Variants in CBFB observed in about 807,000 individuals in gnomAD.
CBFB encodes the protein core-binding factor subunit beta, also known as CBF-beta.
CBFB carries 9 observed loss-of-function variants against 30.4 expected under a neutral mutation model. That is an observed-to-expected ratio of 0.30 (90% CI 0.18 to 0.52). CBFB has a LOEUF of 0.52. CBFB is among the 20% of genes least tolerant of loss of function. The probability of loss-of-function intolerance (pLI) is 0.97; values close to 1 mark genes in which losing one functional copy is unlikely to be tolerated. For missense variants in CBFB, 170 were observed against 244.0 expected, an observed-to-expected ratio of 0.70 and a Z score of 2.02; for synonymous variants, 94 against 84.0, an observed-to-expected ratio of 1.12 and a Z score of -0.65.
intron 5 of CBFB, among the ~76,000 whole-genome samples, chr16:67,092,698 CTTTTTTTTTTTTTTTTT>C (rs777213321): frequency 5.7e-4 from 19 of 33,530 alleles, no homozygotes; most frequent in East Asian, 1.2e-3. Flanking sequence ...GTGGTGCAAT[CTTTTTTTTTTTTTTTTT>C]TTTTTTTTTT....
At chr16:67,041,682 G>A (rs1966532453) in intron 3 of CBFB, among the ~76,000 whole-genome samples, 1 of 151,922 alleles carries the variant, frequency 6.6e-6, no homozygotes, top group Admixed American at 6.6e-5. Context: ...GGGAAAACTG[G>A]CTGGAACAAT....
intron 4 of CBFB, 35 bp from the exon 5 acceptor site, chr16:67,082,178 C>CG: frequency 7.6e-7 from 1 of 1,316,038 alleles, no homozygotes. Context: ...TTTTATAAAT[C>CG]AAAATTAAAA....
intron 3 of CBFB, 136 bp from the exon 4 acceptor site, chr16:67,066,546 C>A: frequency 2.0e-6 from 1 of 501,344 alleles, no homozygotes. Flanking sequence ...GGGAGCACAG[C>A]GAAACTCCAT....
At chr16:67,085,330 C>T (rs1046644057) in intron 5 of CBFB, among the ~76,000 whole-genome samples, 2 of 151,810 alleles carry the variant, frequency 1.3e-5, no homozygotes, top group Non-Finnish European at 2.9e-5. Context: ...CCAGCACGCC[C>T]GGCAAATTTT....
chr16:67,031,102 T>G (rs60915579), intron 2 of CBFB, among the ~76,000 whole-genome samples: 5,535 of 152,338 alleles, frequency 0.036, 149 homozygotes, highest in South Asian at 0.078. Context: ...TGTCATAAAA[T>G]TCTCCCTTTA....
intron 3 of CBFB, among the ~76,000 whole-genome samples, chr16:67,044,693 C>T (rs1374584294): frequency 1.3e-5 from 2 of 152,140 alleles, no homozygotes; most frequent in South Asian, 2.1e-4. Flanking sequence ...GTACCATTTA[C>T]GCACTTGCCT....
At chr16:67,052,809 A>G (rs1960593972) in intron 3 of CBFB, among the ~76,000 whole-genome samples, 1 of 151,978 alleles carries the variant, frequency 6.6e-6, no homozygotes, top group South Asian at 2.1e-4. Context: ...AAAAAAATAA[A>G]ATAATTAGCC....
chr16:67,082,140 A>G, intron 4 of CBFB, 73 bp from the exon 5 acceptor site: 1 of 1,311,756 alleles, frequency 7.6e-7, no homozygotes, highest in Non-Finnish European at 1.0e-6. Context: ...AAAAAAAAAA[A>G]AAAAACAAAA....
intron 3 of CBFB, among the ~76,000 whole-genome samples, chr16:67,063,870 A>G (rs1311863925): frequency 1.3e-5 from 2 of 152,230 alleles, no homozygotes; most frequent in African/African-American, 2.4e-5. Flanking sequence ...TGAAGAGACT[A>G]CTGAAATGAG....
At chr16:67,056,684 C>CTT (rs563093554) in intron 3 of CBFB, among the ~76,000 whole-genome samples, 20 of 135,098 alleles carry the variant, frequency 1.5e-4, no homozygotes, top group Middle Eastern at 3.8e-3. Flanking sequence ...TTCTAGCAGG[C>CTT]TTTTTTTTTT....
At chr16:67,096,882 C>T (rs971459981) in intron 5 of CBFB, among the ~76,000 whole-genome samples, 4 of 145,288 alleles carry the variant, frequency 2.8e-5, no homozygotes, top group African/African-American at 5.1e-5. Flanking sequence ...GCGGAGCTTG[C>T]GGTGAGCCAA....
chr16:67,071,898 C>T (rs764536852), intron 4 of CBFB, among the ~76,000 whole-genome samples: 2 of 152,190 alleles, frequency 1.3e-5, no homozygotes, highest in Non-Finnish European at 2.9e-5. Context: ...GCATGGATTT[C>T]AGCCCTCTTT....
At chr16:67,033,364 G>A (rs1206873691) in intron 2 of CBFB, among the ~76,000 whole-genome samples, 2 of 151,852 alleles carry the variant, frequency 1.3e-5, no homozygotes, top group Non-Finnish European at 2.9e-5. Flanking sequence ...TTTTGAGACT[G>A]GATCTTACTC....
intron 3 of CBFB, among the ~76,000 whole-genome samples, chr16:67,058,111 C>T (rs536345972): frequency 1.7e-4 from 26 of 151,796 alleles, no homozygotes; most frequent in Non-Finnish European, 3.5e-4. Context: ...TATGACATCA[C>T]ACTAGTTATT....
At position 67,099,233 on chromosome 16, in the gene CBFB, TG is replaced by T. The variant is rs1962147345; in HGVS notation, c.*456del. The T allele has an allele frequency of 4.3e-6, 1 of 233,250 alleles. No individual in the cohort carries two copies. Among genetic ancestry groups the T allele is most frequent in the African/African-American group, 2.2e-5 (1 of 45,322 alleles). The allele number at this position is 233,250 out of a possible 1,614,324, so 14.4% of individuals were successfully genotyped here. A position where few individuals can be genotyped will look rare whatever the true frequency, so the allele number is the denominator to read the frequency against. On this transcript the variant is annotated 3_prime_UTR_variant, in exon 6 of 6. Transcript: ENST00000412916. ...ATTTTAGATGAGCATTCTTATTTTT[TG>T]TTTTGTTTGCCCCATTTCCTTTTGT...
intron 2 of CBFB, 58 bp downstream of exon 2, chr16:67,029,871 C>T: frequency 7.7e-7 from 1 of 1,290,766 alleles, no homozygotes. Context: ...CCGCGGCGGC[C>T]CAGGCCGGTT....
chr16:67,075,707 C>T (rs1250983504), intron 4 of CBFB, among the ~76,000 whole-genome samples: 4 of 152,096 alleles, frequency 2.6e-5, no homozygotes, highest in East Asian at 1.9e-4. Flanking sequence ...TTGTAAACTG[C>T]GCAAATGGCC....
At chr16:67,082,127 A>G in intron 4 of CBFB, 86 bp from the exon 5 acceptor site, 2 of 1,009,082 alleles carry the variant, frequency 2.0e-6, no homozygotes, top group Non-Finnish European at 2.7e-6. Context: ...CCACTGTTTC[A>G]GGAAAAAAAA....
At chr16:67,029,942 C>T (rs759477367) in intron 2 of CBFB, 129 bp downstream of exon 2, 14 of 542,164 alleles carry the variant, frequency 2.6e-5, no homozygotes, top group Middle Eastern at 5.0e-4. Flanking sequence ...TCACTTCCTA[C>T]TCGGGATTCA....
Sources: allele counts gnomAD v4.1 joint callset (sites outside exome capture counted in the v4.1 genomes callset), GRCh38; gene constraint gnomAD v4.1.1; transcripts MANE v1.5; gene names NCBI Gene and HGNC (gene_info 2026-07-23, HGNC 2026-07-21).